Variants in RAPGEF5 observed in about 807,000 individuals in gnomAD.
RAPGEF5 encodes M-Ras-regulated GEF.
In RAPGEF5, 65 loss-of-function variants were observed where a neutral mutation model predicts 125.2. The observed-to-expected ratio is 0.52, with a 90% CI of 0.43 to 0.64. The LOEUF (loss-of-function observed/expected upper bound fraction) is 0.64, where lower values mean the gene tolerates loss of function less well. RAPGEF5 is among the 30% of genes least tolerant of loss of function. The pLI is 0.00. For synonymous variants in RAPGEF5, 391 were observed against 385.9 expected (o/e 1.01, Z -0.16); for missense variants, 958 against 1,048.1 (o/e 0.91, Z 1.19).
At chr7:22,297,197 C>G (rs1177746638) in intron 5 of RAPGEF5, among the ~76,000 whole-genome samples, 4 of 151,972 alleles carry the variant, frequency 2.6e-5, no homozygotes, top group Non-Finnish European at 4.4e-5. Flanking sequence ...GCTGATGAAG[C>G]AGGAAAAAAA....
chr7:22,179,388 T>G (rs896698576), intron 11 of RAPGEF5, among the ~76,000 whole-genome samples: 1 of 152,194 alleles, frequency 6.6e-6, no homozygotes, highest in Non-Finnish European at 1.5e-5. Context: ...TATAGCTAAC[T>G]AAACCTTGCA....
chr7:22,286,699 G>C (rs1782806401), intron 6 of RAPGEF5, among the ~76,000 whole-genome samples: 1 of 152,136 alleles, frequency 6.6e-6, no homozygotes, highest in Admixed American at 6.5e-5. Context: ...TTGTGGCTTT[G>C]AAAGTAATAC....
intron 1 of RAPGEF5, among the ~76,000 whole-genome samples, chr7:22,353,830 A>G (rs1465977827): frequency 6.6e-6 from 1 of 152,198 alleles, no homozygotes; most frequent in Non-Finnish European, 1.5e-5. Flanking sequence ...ACTCAGGCAT[A>G]TTAACCAAAT....
chr7:22,171,524 G>A (rs532785719), intron 11 of RAPGEF5, among the ~76,000 whole-genome samples: 77 of 152,128 alleles, frequency 5.1e-4, no homozygotes, highest in African/African-American at 1.8e-3. Flanking sequence ...TTGAGATGGA[G>A]TTTTGCTCTT....
Position 22,329,191 on chromosome 7 carries a change from A to G in RAPGEF5, c.232-11154T>C, listed in dbSNP as rs375915330. On this transcript the variant is annotated intron_variant, in intron 1 of 25. Coordinates refer to ENST00000665637, the MANE Select transcript of RAPGEF5 (RefSeq NM_012294.5). Reference sequence around the variant, plus strand: ...TGCACTCTTTCTGCTTTCAATCTGCATGAAATTAGGTAGCAAACTTAATTT... The same window carrying G: ...TGCACTCTTTCTGCTTTCAATCTGCGTGAAATTAGGTAGCAAACTTAATTT... 1.2e-4 allele frequency among the ~76,000 whole-genome samples: 19 copies of G among 152,364 alleles called. No individual in the cohort carries two copies. In the East Asian group the frequency reaches 3.7e-3, roughly 29 times the overall value.
chr7:22,182,048 T>C (rs1784690074), intron 11 of RAPGEF5, among the ~76,000 whole-genome samples: 1 of 152,158 alleles, frequency 6.6e-6, no homozygotes, highest in Admixed American at 6.6e-5. Flanking sequence ...AATCAACAAA[T>C]TGCCATCCAC....
intron 1 of RAPGEF5, among the ~76,000 whole-genome samples, chr7:22,327,418 GT>G (rs1336192192): frequency 6.6e-6 from 1 of 152,200 alleles, no homozygotes; most frequent in Non-Finnish European, 1.5e-5. Flanking sequence ...TAAATGTCCA[GT>G]GTCCAACATG....
intron 12 of RAPGEF5, among the ~76,000 whole-genome samples, chr7:22,164,255 T>C (rs1457621262): frequency 2.0e-5 from 3 of 152,062 alleles, no homozygotes; most frequent in Non-Finnish European, 4.4e-5. Flanking sequence ...CACTTGAGCC[T>C]AGAAGGTTGA....
rs909315231 is a variant in RAPGEF5, at chr7:22,301,020, G to A, written c.680+7319C>T. ...GGCAACGCTGGGAAATAAAAGAAAC[G>A]GAAAGGGAAAACTCACACCTGTGTA... On this transcript the variant is annotated intron_variant, in intron 5 of 25. Transcript: ENST00000665637. Among the ~76,000 whole-genome samples the A allele has an allele frequency of 3.9e-5, 6 of 152,156 alleles. No individual in the cohort carries two copies. The East Asian group carries it at 9.6e-4, about 24-fold the overall frequency.
chr7:22,156,428 G>A (rs1783808803), intron 16 of RAPGEF5, among the ~76,000 whole-genome samples: 1 of 152,096 alleles, frequency 6.6e-6, no homozygotes, highest in Non-Finnish European at 1.5e-5. Flanking sequence ...GCCCAAATCT[G>A]CACATTGACT....
chr7:22,170,000 G>C (rs1446599099), intron 11 of RAPGEF5, among the ~76,000 whole-genome samples: 2 of 150,776 alleles, frequency 1.3e-5, no homozygotes, highest in Non-Finnish European at 2.9e-5. Flanking sequence ...GACACAGAGA[G>C]ACTCTGTCTC....
At chr7:22,306,223 T>C (rs1783337181) in intron 5 of RAPGEF5, among the ~76,000 whole-genome samples, 1 of 152,198 alleles carries the variant, frequency 6.6e-6, no homozygotes, top group South Asian at 2.1e-4. Flanking sequence ...AATTGCTGTC[T>C]TTTGAACATA....
At chr7:22,219,334 C>T (rs995280706) in intron 9 of RAPGEF5, among the ~76,000 whole-genome samples, 5 of 151,788 alleles carry the variant, frequency 3.3e-5, no homozygotes, top group Non-Finnish European at 7.4e-5. Context: ...AACAATATAA[C>T]TCTTGTTGGA....
At chr7:22,123,048 A>G (rs1782630668) in intron 25 of RAPGEF5, among the ~76,000 whole-genome samples, 1 of 150,616 alleles carries the variant, frequency 6.6e-6, no homozygotes, top group Non-Finnish European at 1.5e-5. Flanking sequence ...TTTTTTGGAA[A>G]AAAAAATTTA....
chr7:22,268,814 T>C (rs982523581), intron 6 of RAPGEF5, among the ~76,000 whole-genome samples: 5 of 152,108 alleles, frequency 3.3e-5, no homozygotes, highest in African/African-American at 1.2e-4. Context: ...CTTTTCCAAT[T>C]AGAAAATGAT....
At chr7:22,280,238 G>A (rs1318065576) in intron 6 of RAPGEF5, among the ~76,000 whole-genome samples, 2 of 152,164 alleles carry the variant, frequency 1.3e-5, no homozygotes, top group African/African-American at 4.8e-5. Flanking sequence ...GAACCCTGAG[G>A]CCGGATTGTA....
In RAPGEF5 at chr7:22,185,169, G is replaced by A. The variant is rs533230145; in HGVS notation, c.1204+8198C>T. ...AAAAATAATCTTCGGGATACAACTCGGAATATATTTGGGCTCATTTCCCGA... is the reference window on the plus strand; with the variant it reads ...AAAAATAATCTTCGGGATACAACTCAGAATATATTTGGGCTCATTTCCCGA... On this transcript the variant is annotated intron_variant, in intron 11 of 25. Transcript: ENST00000665637. Among the ~76,000 whole-genome samples the A allele has an allele frequency of 4.6e-5, 7 of 152,254 alleles. No individual in the cohort carries two copies. The South Asian group carries it at 1.0e-3, about 23-fold the overall frequency.
chr7:22,322,394 G>C (rs1783733664), intron 1 of RAPGEF5, among the ~76,000 whole-genome samples: 1 of 151,756 alleles, frequency 6.6e-6, no homozygotes, highest in African/African-American at 2.4e-5. Flanking sequence ...CAATCCGCTC[G>C]CCTCAGCCTC....
intron 9 of RAPGEF5, among the ~76,000 whole-genome samples, chr7:22,216,555 G>A (rs1785643457): frequency 6.6e-6 from 1 of 152,088 alleles, no homozygotes; most frequent in African/African-American, 2.4e-5. Context: ...TTGCTCTGTT[G>A]GCACAGTCAC....
Sources: allele counts gnomAD v4.1 joint callset (sites outside exome capture counted in the v4.1 genomes callset), GRCh38; gene constraint gnomAD v4.1.1; transcripts MANE v1.5; gene names NCBI Gene and HGNC (gene_info 2026-07-23, HGNC 2026-07-21).